The following XG variants were observed in gnomAD, a reference collection of about 807,000 sequenced individuals.
XG encodes Xg glycoprotein (Xg blood group).
XG carries 24 observed loss-of-function variants against 25.7 expected under a neutral mutation model. The ratio of observed to expected loss-of-function variants is 0.93; its 90% CI spans 0.68 to 1.31. The LOEUF is 1.31. XG is among the 40% of genes most tolerant of loss of function. The probability of loss-of-function intolerance (pLI) is 0.00; values close to 1 mark genes in which losing one functional copy is unlikely to be tolerated. For synonymous variants in XG, 77 were observed against 69.2 expected (o/e 1.11, Z -0.56); for missense variants, 181 against 187.6 (o/e 0.96, Z 0.21).
intron 1 of XG, among the ~76,000 whole-genome samples, chrX:2,768,662 G>C (rs1408281479): frequency 6.6e-6 from 1 of 152,194 alleles, no homozygotes; most frequent in African/African-American, 2.4e-5. Flanking sequence ...CAGTTACTCA[G>C]ACGGCTGAGG....
chrX:2,758,252 T>G (rs1338190573), intron 1 of XG, among the ~76,000 whole-genome samples: 2 of 152,090 alleles, frequency 1.3e-5, no homozygotes. Context: ...CGTGCAGTGA[T>G]TCTCTGTCTT....
intron 1 of XG, among the ~76,000 whole-genome samples, chrX:2,753,989 C>T (rs1250295341): frequency 6.6e-6 from 1 of 152,186 alleles, no homozygotes; most frequent in Non-Finnish European, 1.5e-5. Context: ...CATCCGTTGG[C>T]TGATGAAAAG....
intron 5 of XG, among the ~76,000 whole-genome samples, chrX:2,790,416 C>G (rs1221808622): frequency 9.3e-6 from 1 of 107,674 alleles, no homozygotes; most frequent in Non-Finnish European, 1.9e-5. Flanking sequence ...AGGAGAATCG[C>G]TTGAACCCGC....
chrX:2,767,958 C>T (rs1446261280), intron 1 of XG, among the ~76,000 whole-genome samples: 2 of 152,176 alleles, frequency 1.3e-5, no homozygotes, highest in Non-Finnish European at 2.9e-5. Context: ...TCCTCTGTGA[C>T]CCTCCCCACC....
chrX:2,808,407 T>C lies in XG; in HGVS notation c.454+187T>C, dbSNP rs1045052667. Reference sequence around the variant, plus strand: ...ACCTTCAGCACAGGACCAATCAGAGTTCAGAGAAAGGAGAGGCAAGCATTG... The same window carrying C: ...ACCTTCAGCACAGGACCAATCAGAGCTCAGAGAAAGGAGAGGCAAGCATTG... On this transcript the variant is annotated intron_variant, in intron 9 of 10. Coordinates refer to ENST00000644266, the MANE Select transcript of XG (RefSeq NM_001141919.2). The C allele has an allele frequency of 4.9e-6, 4 of 815,682 alleles. No individual in the cohort carries two copies. In the Admixed American group the frequency reaches 1.5e-4, roughly 31 times the overall value. 67.2% of individuals were successfully genotyped at this position (815,682 alleles called of 1,213,427 possible).
chrX:2,772,793 G>A (rs1046959410), intron 2 of XG, among the ~76,000 whole-genome samples: 1 of 152,146 alleles, frequency 6.6e-6, no homozygotes, highest in Non-Finnish European at 1.5e-5. Context: ...TCACCTAGAA[G>A]GCTGCCAGTG....
intron 4 of XG, among the ~76,000 whole-genome samples, chrX:2,782,386 C>G (rs776385254): frequency 1.3e-3 from 150 of 112,094 alleles, no homozygotes; most frequent in African/African-American, 4.6e-3. Context: ...TGTTGGCTGC[C>G]TAGACAGAGC....
At chrX:2,783,241 C>T (rs1175077043) in intron 4 of XG, among the ~76,000 whole-genome samples, 6 of 109,216 alleles carry the variant, frequency 5.5e-5, no homozygotes, top group Admixed American at 5.0e-4. Flanking sequence ...TTGGTTTCTC[C>T]ATTTTTTCTA....
rs200226722 is a variant in XG, at chrX:2,811,394, G to C, written c.513G>C (p.Leu171=). ...PIVSVVVVTL[L]GAAASYFKLN... ...TATCCGTGGTGGTGGTGACACTGCT[G>C]GGAGCAGCAGCCAGTTATTTCAAAC... The change falls in exon 10 of 11, where the codon CTG becomes CTC. Residue 171 remains leucine, a synonymous_variant. Transcript: ENST00000644266. 2 of 1,204,989 alleles carry C rather than the reference G, an allele frequency of 1.7e-6. No homozygotes were observed. Among genetic ancestry groups the C allele is most frequent in the East Asian group, 6.0e-5 (2 of 33,602 alleles).
Position 2,770,629 on chromosome X carries a change from A to T in XG, c.103+38A>T, listed in dbSNP as rs755815200. ...ATTTCAAGGGGAGCCTTCCCTTTTCAGCTTGGATCTAACAGCATCAGCTGT... is the reference window on the plus strand; with the variant it reads ...ATTTCAAGGGGAGCCTTCCCTTTTCTGCTTGGATCTAACAGCATCAGCTGT... On this transcript the variant is annotated intron_variant, in intron 2 of 10. Transcript: ENST00000644266. 2.5e-6 allele frequency: 4 copies of T among 1,612,876 alleles called. No homozygotes were observed. In the African/African-American group the frequency reaches 5.3e-5, roughly 22 times the overall value.
chrX:2,772,422 C>T (rs1345539542), intron 2 of XG, among the ~76,000 whole-genome samples: 5 of 152,152 alleles, frequency 3.3e-5, no homozygotes, highest in Non-Finnish European at 7.3e-5. Flanking sequence ...GCTACATGAG[C>T]CTTGAAACTG....
intron 3 of XG, among the ~76,000 whole-genome samples, chrX:2,778,829 A>G (rs1057494638): frequency 1.3e-5 from 2 of 149,730 alleles, no homozygotes; most frequent in African/African-American, 4.9e-5. Flanking sequence ...GCTGCAGTGC[A>G]GTGGTGTGAT....
intron 3 of XG, among the ~76,000 whole-genome samples, chrX:2,779,222 G>T (rs1323163716): frequency 2.6e-5 from 4 of 151,248 alleles, no homozygotes; most frequent in Non-Finnish European, 5.9e-5. Context: ...CATAGTCCCA[G>T]CTACTCAGGA....
rs767752101 is a variant in XG at position 2,811,367 on chromosome X, C to T, written c.486C>T (p.Ile162=). The change falls in exon 10 of 11, where the codon ATC becomes ATT. Residue 162 remains isoleucine (I), a synonymous_variant. Coordinates refer to ENST00000644266, the MANE Select transcript of XG (RefSeq NM_001141919.2). ...TGGTAGCAAAAATCGTGTCTCCCAT[C>T]GTATCCGTGGTGGTGGTGACACTGC... ...GNMVAKIVSP[I]VSVVVVTLLG... 2.1e-5 allele frequency: 25 copies of T among 1,205,860 alleles called. No individual in the cohort carries two copies. In the Admixed American group the frequency reaches 2.9e-4, roughly 14 times the overall value.
At chrX:2,775,328 A>G (rs779599114) in intron 3 of XG, among the ~76,000 whole-genome samples, 21 of 152,368 alleles carry the variant, frequency 1.4e-4, no homozygotes, top group African/African-American at 4.8e-4. Context: ...AATTGCTACA[A>G]AGTGGTTGAG....
chrX:2,806,049 A>G (rs1273925974), intron 7 of XG, among the ~76,000 whole-genome samples: 1 of 112,232 alleles, frequency 8.9e-6, no homozygotes, highest in Non-Finnish European at 1.9e-5. Flanking sequence ...TTTTTCTGAG[A>G]CAAAATCTCA....
intron 7 of XG, among the ~76,000 whole-genome samples, chrX:2,798,369 C>CTTTTTTTT (rs748928232): frequency 6.0e-5 from 5 of 83,845 alleles, no homozygotes; most frequent in Non-Finnish European, 9.2e-5. Flanking sequence ...ACCATCTTTT[C>CTTTTTTTT]TTTTTTTTTT....
At chrX:2,792,487 A>C (rs776048956) in intron 5 of XG, among the ~76,000 whole-genome samples, 1 of 105,896 alleles carries the variant, frequency 9.4e-6, no homozygotes, top group East Asian at 3.0e-4. Context: ...GACACACAGC[A>C]CTCCACCTGG....
chrX:2,775,596 A>T (rs2050961693), intron 3 of XG, among the ~76,000 whole-genome samples: 1 of 152,160 alleles, frequency 6.6e-6, no homozygotes, highest in South Asian at 2.1e-4. Context: ...CCCCTGAATT[A>T]TTCACTTTTA....
Sources: gnomAD v4.1 joint callset for allele counts (sites outside exome capture counted in the v4.1 genomes callset) on GRCh38, gnomAD v4.1.1 for gene constraint, MANE v1.5 for transcripts, NCBI Gene and HGNC (gene_info 2026-07-23, HGNC 2026-07-21) for gene names.